The following CASZ1 variants were observed in gnomAD, a reference collection of about 807,000 sequenced individuals.
The protein encoded by CASZ1 is zinc finger protein castor homolog 1.
Under a neutral mutation model 135.2 loss-of-function variants are expected in CASZ1, and 28 were observed. That is an observed-to-expected ratio of 0.21 (90% CI 0.15 to 0.28). The LOEUF (loss-of-function observed/expected upper bound fraction) is 0.28. Ranked by LOEUF, CASZ1 falls within the 10% of genes least tolerant of loss-of-function variation. CASZ1 has a pLI of 1.00. For synonymous variants in CASZ1, 1,068 were observed against 1,073.4 expected (o/e 0.99, Z 0.10); for missense variants, 2,161 against 2,453.3 (o/e 0.88, Z 2.52).
chr1:10,735,042 C>T lies in CASZ1; in HGVS notation c.-77+25659G>A, dbSNP rs142491741. ...CATGACCAACGGGACCCTGGGAGGACGCAAGGGAGCTTCTACCCCATTGCA... is the reference window on the plus strand; with the variant it reads ...CATGACCAACGGGACCCTGGGAGGATGCAAGGGAGCTTCTACCCCATTGCA... On this transcript the variant is annotated intron_variant, in intron 2 of 20. Transcript: ENST00000377022. The surrounding 1 kb of genome is among the most constrained non-coding windows in gnomAD (Gnocchi z 5.1). Among the ~76,000 whole-genome samples, 1,665 of 152,242 alleles carry T rather than the reference C, an allele frequency of 0.011. 14 individuals are homozygous for T. The highest frequency in any genetic ancestry group is 0.019 in the Non-Finnish European group (1,304 of 68,012).
Position 10,739,002 on chromosome 1 carries a change from C to T in CASZ1, c.-77+21699G>A, listed in dbSNP as rs1639860716. ...TTTTATGCTGTCAAAATGTTCTCAA[C>T]AAGGGGAGATTTGACTGGCTTCTCT... is the stretch of plus-strand genomic sequence containing the variant. On this transcript the variant is annotated intron_variant, in intron 2 of 20. Transcript: ENST00000377022. This position sits in a 1 kb window ranked among gnomAD's most constrained non-coding sequence, Gnocchi z 4.8. 7.8e-6 allele frequency among the ~76,000 whole-genome samples: 1 copy of T among 127,670 alleles called. No homozygotes were observed. 83.8% of individuals were successfully genotyped at this position (127,670 alleles called of 152,430 possible).
rs774045934 is a variant in CASZ1, at chr1:10,665,497, G to C, written c.91C>G (p.Leu31Val). 1.2e-6 allele frequency: 2 copies of C among 1,605,612 alleles called. No individual in the cohort carries two copies. The highest frequency in any genetic ancestry group is 2.2e-5 in the East Asian group (1 of 44,840). ...CTCAGCTTGGCGCAGATGGCGTTCA[G>C]CTTCAGGCCACCCTTGCGTTTGGGC... ...MAPKRKGGLK[L>V]NAICAKLSRQ... is the part of the protein sequence containing the mutation. Residue 31 changes from leucine to valine, a missense_variant, in exon 5 of 21, where the codon CTG becomes GTG. By Grantham distance (32) the Leu-to-Val change is conservative. Around this residue, in one of 7 missense-constraint regions of CASZ1, gnomAD observed 590 missense variants for 609.8 expected, o/e 0.97. Coordinates refer to ENST00000377022, the MANE Select transcript of CASZ1 (RefSeq NM_001079843.3).
intron 4 of CASZ1, among the ~76,000 whole-genome samples, chr1:10,685,328 C>T (rs1638551069): frequency 6.6e-6 from 1 of 152,204 alleles, no homozygotes; most frequent in Admixed American, 6.5e-5. Context: ...AACTCCTTTC[C>T]AGTGCCACCT....
chr1:10,751,908 C>A (rs1432448577), intron 2 of CASZ1, among the ~76,000 whole-genome samples: 1 of 152,194 alleles, frequency 6.6e-6, no homozygotes, highest in Non-Finnish European at 1.5e-5. Context: ...CTGCAGGAGG[C>A]TGGACCTCCA....
rs1009500035 is a variant in CASZ1 at position 10,637,450 on chromosome 1, C to T, written c.*1492G>A. On this transcript the variant is annotated 3_prime_UTR_variant, in exon 21 of 21. Transcript: ENST00000377022. ...AAGGAAGAAAAAAGGGAAAAGTAAA[C>T]CACTGCCCCCCAGTTGAGCCAGGTT... 6.6e-6 allele frequency: 1 copy of T among 152,504 alleles called. No individual in the cohort carries two copies. Among genetic ancestry groups the T allele is most frequent in the African/African-American group, 2.4e-5 (1 of 41,472 alleles). The allele number at this position is 152,504 out of a possible 1,614,324, so 9.4% of individuals were successfully genotyped here.
At position 10,684,216 on chromosome 1, in the gene CASZ1, C is replaced by T. The variant is rs532981541; in HGVS notation, c.16+9658G>A. Among the ~76,000 whole-genome samples the T allele has an allele frequency of 2.0e-5, 3 of 152,156 alleles. No homozygotes were observed. In the East Asian group the frequency reaches 5.8e-4, roughly 29 times the overall value. ...GGCTTGGGGGTGGGGGTTCCCTTGT[C>T]CGCATCCTCTCCAGAAGCCCCGTCT... is the stretch of plus-strand genomic sequence containing the variant. On this transcript the variant is annotated intron_variant, in intron 4 of 20. Coordinates refer to ENST00000377022, the MANE Select transcript of CASZ1 (RefSeq NM_001079843.3).
In CASZ1 at chr1:10,759,505, A is replaced by G. The variant is rs1640323269; in HGVS notation, c.-77+1196T>C. On this transcript the variant is annotated intron_variant, in intron 2 of 20. Coordinates refer to ENST00000377022, the MANE Select transcript of CASZ1 (RefSeq NM_001079843.3). This position sits in a 1 kb window ranked among gnomAD's most constrained non-coding sequence, Gnocchi z 4.2. ...CGCAGCCACACAGTTGCCCCACCAC[A>G]GCGACCAAAGGCCACATTTGCATCT... Among the ~76,000 whole-genome samples, 1 of 152,130 alleles carries G rather than the reference A, an allele frequency of 6.6e-6. No individual in the cohort carries two copies. Among genetic ancestry groups the G allele is most frequent in the African/African-American group, 2.4e-5 (1 of 41,414 alleles).
intron 2 of CASZ1, among the ~76,000 whole-genome samples, chr1:10,712,719 C>A (rs1245207007): frequency 1.3e-5 from 2 of 151,908 alleles, no homozygotes; most frequent in South Asian, 4.1e-4. Flanking sequence ...CCCCTTAGGA[C>A]CCCCCCGCTC....
chr1:10,731,762 C>T (rs1477367757), intron 2 of CASZ1, among the ~76,000 whole-genome samples: 2 of 152,306 alleles, frequency 1.3e-5, no homozygotes, highest in African/African-American at 4.8e-5. Flanking sequence ...TTGCCAACTA[C>T]ACATCTGTCT....
At chr1:10,696,080 A>G (rs1214975783) in intron 3 of CASZ1, among the ~76,000 whole-genome samples, 1 of 152,198 alleles carries the variant, frequency 6.6e-6, no homozygotes, top group African/African-American at 2.4e-5. Flanking sequence ...CTATTTTGCA[A>G]AGGGAGGGGC....
At chr1:10,795,394 T>C (rs1466508503) in intron 1 of CASZ1, among the ~76,000 whole-genome samples, 3 of 152,196 alleles carry the variant, frequency 2.0e-5, no homozygotes, top group Non-Finnish European at 4.4e-5. Flanking sequence ...TGCCCTTGGA[T>C]TCAGGGCTCC....
chr1:10,653,149 T>TG (rs1248871601), intron 11 of CASZ1: 2 of 611,316 alleles, frequency 3.3e-6, no homozygotes, highest in Non-Finnish European at 3.0e-6. Context: ...AGCTCACAGA[T>TG]GGGGAAACAG....
At chr1:10,789,125 G>A (rs1018084419) in intron 1 of CASZ1, among the ~76,000 whole-genome samples, 7 of 152,038 alleles carry the variant, frequency 4.6e-5, no homozygotes, top group Non-Finnish European at 7.4e-5. Context: ...GGGACATGGC[G>A]CCCAGGAGAA....
At position 10,717,386 on chromosome 1, in the gene CASZ1, T is replaced by TTTTTC. The variant is rs560946684; in HGVS notation, c.-76-11847_-76-11843dup. 1.3e-3 allele frequency among the ~76,000 whole-genome samples: 197 copies of TTTTTC among 152,288 alleles called. No individual in the cohort carries two copies. The highest frequency in any genetic ancestry group is 4.5e-3 in the African/African-American group (188 of 41,550). On this transcript the variant is annotated intron_variant, in intron 2 of 20. Transcript: ENST00000377022. The surrounding 1 kb of genome is among the most constrained non-coding windows in gnomAD (Gnocchi z 4.6). ...GTGTTGGTGAGTTGTTGGAGGTTTT[T>TTTTTC]TTTTCTTTTCTTTTCTTTTTTGCTA...
rs1049569548 is a variant in CASZ1 at position 10,767,690 on chromosome 1, G to A, written c.-233-6833C>T. ...TAATGTTCTCTATAATTCATCCATC[G>A]CAGAAGATAATCGATAGAGCCCGTA... On this transcript the variant is annotated intron_variant, in intron 1 of 20. Transcript: ENST00000377022. The surrounding 1 kb of genome is among the most constrained non-coding windows in gnomAD (Gnocchi z 4.2). Among the ~76,000 whole-genome samples, 5 of 152,056 alleles carry A rather than the reference G, an allele frequency of 3.3e-5. No individual in the cohort carries two copies. Among genetic ancestry groups the A allele is most frequent in the Admixed American group, 6.6e-5 (1 of 15,262 alleles).
At chr1:10,714,488 C>A (rs1262679414) in intron 2 of CASZ1, among the ~76,000 whole-genome samples, 1 of 152,216 alleles carries the variant, frequency 6.6e-6, no homozygotes, top group African/African-American at 2.4e-5. Flanking sequence ...ACGACCGGCC[C>A]TCCCAGTGCT....
At chr1:10,650,561 A>G (rs1432927456) in intron 13 of CASZ1, 131 bp downstream of exon 13, 1 of 733,302 alleles carries the variant, frequency 1.4e-6, no homozygotes, top group Non-Finnish European at 2.4e-6. Flanking sequence ...AAATGGCCTC[A>G]AAATTTAAAT....
chr1:10,730,630 G>T (rs1468099751), intron 2 of CASZ1, among the ~76,000 whole-genome samples: 1 of 152,136 alleles, frequency 6.6e-6, no homozygotes, highest in Non-Finnish European at 1.5e-5. Flanking sequence ...GGACAAAGTG[G>T]GCCTGTCACT....
chr1:10,677,385 C>A (rs284311), intron 4 of CASZ1, among the ~76,000 whole-genome samples: 61,410 of 151,870 alleles, frequency 0.4, 13,391 homozygotes, highest in Non-Finnish European at 0.47. Context: ...GGGACAGGGG[C>A]CTTCTCATGG....
Sources: gnomAD v4.1 joint callset for allele counts (sites outside exome capture counted in the v4.1 genomes callset) on GRCh38, gnomAD v4.1.1 for gene constraint, gnomAD v4.1.1 regional missense constraint, Gnocchi (gnomAD v3.1) non-coding constraint, MANE v1.5 for transcripts, NCBI Gene and HGNC (gene_info 2026-07-23, HGNC 2026-07-21) for gene names.